Variants in NIPBL observed in about 807,000 individuals in gnomAD.
The protein encoded by NIPBL is nipped-B-like protein.
NIPBL carries 19 observed loss-of-function variants against 321.8 expected under a neutral mutation model. The ratio of observed to expected loss-of-function variants is 0.06; its 90% CI spans 0.04 to 0.09. The LOEUF (loss-of-function observed/expected upper bound fraction) is 0.09, where lower values mean the gene tolerates loss of function less well. NIPBL is among the 10% of genes least tolerant of loss of function. NIPBL has a pLI of 1.00. For missense variants in NIPBL, 2,210 were observed against 3,327.0 expected (o/e 0.66, Z 8.26); for synonymous variants, 1,106 against 1,114.1 (o/e 0.99, Z 0.14).
At chr5:36,885,793 G>A (rs1417818951) in intron 1 of NIPBL, 4 of 631,590 alleles carry the variant, frequency 6.3e-6, no homozygotes, top group East Asian at 6.3e-5. Context: ...TCACTTGGCT[G>A]TAGCTAGAGA....
chr5:37,017,943 AT>A (rs947548635), intron 24 of NIPBL, among the ~76,000 whole-genome samples: 13 of 151,342 alleles, frequency 8.6e-5, no homozygotes, highest in African/African-American at 2.7e-4. Context: ...CTGTATATGC[AT>A]TTTTTTTTAA....
In NIPBL at chr5:36,911,443, G is replaced by A. The variant is rs367986121; in HGVS notation, c.-80+34265G>A. ...AGGCTGAAAACTGCCACTTCCTGTA[G>A]GAAATATTCCCTGCTTTCCTTCTGG... On this transcript the variant is annotated intron_variant, in intron 1 of 46. Coordinates refer to ENST00000282516, the MANE Select transcript of NIPBL (RefSeq NM_133433.4). Among the ~76,000 whole-genome samples the A allele has an allele frequency of 2.0e-4, 31 of 152,236 alleles. 1 individual carries two copies. In the South Asian group the frequency reaches 4.8e-3, roughly 23 times the overall value.
In NIPBL at chr5:36,970,921, A is replaced by G. The variant is rs2149619986; in HGVS notation, c.656A>G (p.His219Arg). 2 of 1,613,632 alleles carry G rather than the reference A, an allele frequency of 1.2e-6. No homozygotes were observed. Among genetic ancestry groups the G allele is most frequent in the African/African-American group, 1.3e-5 (1 of 75,030 alleles). Reference protein sequence around the residue: ...PIVAGGLRNIHDNKVSGPLSG... With the variant: ...PIVAGGLRNIRDNKVSGPLSG... ...GTTGCAGGTGGTTTGAGAAACATAC[A>G]TGATAATAAAGTTTCTGGTCCGTTG... Residue 219 changes from histidine to arginine, a missense_variant, in exon 7 of 47, where the codon CAT becomes CGT. Around this residue, in one of 14 missense-constraint regions of NIPBL, gnomAD observed 464 missense variants for 529.5 expected, o/e 0.88. Transcript: ENST00000282516.
chr5:36,926,953 A>G (rs1028712037), intron 1 of NIPBL, among the ~76,000 whole-genome samples: 2 of 152,226 alleles, frequency 1.3e-5, no homozygotes, highest in Non-Finnish European at 2.9e-5. Flanking sequence ...CAGAGCACCT[A>G]TAATGGGAGT....
At chr5:37,004,655 C>G (rs1480996802) in intron 16 of NIPBL, among the ~76,000 whole-genome samples, 3 of 152,116 alleles carry the variant, frequency 2.0e-5, no homozygotes, top group Non-Finnish European at 1.5e-5. Context: ...AATCCTCCTG[C>G]CTTGTCCTCC....
intron 8 of NIPBL, among the ~76,000 whole-genome samples, chr5:36,973,150 T>A (rs1345455542): frequency 6.6e-6 from 1 of 152,164 alleles, no homozygotes; most frequent in Non-Finnish European, 1.5e-5. Flanking sequence ...TTCTACTTTT[T>A]AAAATTAGCT....
At chr5:36,950,048 ATTTAGT>A (rs1740098892) in intron 1 of NIPBL, among the ~76,000 whole-genome samples, 1 of 151,908 alleles carries the variant, frequency 6.6e-6, no homozygotes, top group African/African-American at 2.4e-5. Context: ...ATTTTGTTCG[ATTTAGT>A]TCTTAGTATT....
Position 37,006,345 on chromosome 5 carries a change from A to C in NIPBL, c.3856-12A>C, listed in dbSNP as rs199847583. ...TGTTTATTTCCATTTCATTAACAAT[A>C]CTGTTTTACAGAATAACGATACTGA... On this transcript the variant is annotated splice_polypyrimidine_tract_variant and intron_variant, in intron 16 of 46. Transcript: ENST00000282516. 2 of 1,332,544 alleles carry C rather than the reference A, an allele frequency of 1.5e-6. No homozygotes were observed. The highest frequency in any genetic ancestry group is 2.3e-5 in the East Asian group (1 of 43,466). The allele number at this position is 1,332,544 out of a possible 1,614,324, so 82.5% of individuals were successfully genotyped here. A position where few individuals can be genotyped will look rare whatever the true frequency, so the allele number is the denominator to read the frequency against.
In NIPBL at chr5:37,014,760, T is replaced by A. The variant is rs1318010253; in HGVS notation, c.4638T>A (p.Leu1546=). 5.1e-6 allele frequency: 8 copies of A among 1,574,852 alleles called. No individual in the cohort carries two copies. The highest frequency in any genetic ancestry group is 7.0e-6 in the Non-Finnish European group (8 of 1,144,464). ...RTAQNFLSIF[L]KKCGSKQGEE... The stretch of plus-strand genomic sequence containing the variant: ...CCCAAAACTTCCTCTCCATCTTCCT[T>A]AAAAAGTGAGTAAAATTAATATAAA... The change falls in exon 22 of 47, where the codon CTT becomes CTA. Residue 1546 remains leucine, a synonymous_variant. Transcript: ENST00000282516.
chr5:37,054,372 G>A (rs1238286706), intron 42 of NIPBL, among the ~76,000 whole-genome samples: 1 of 152,080 alleles, frequency 6.6e-6, no homozygotes, highest in African/African-American at 2.4e-5. Context: ...TCAGTATTAA[G>A]TTTGCATTGT....
chr5:37,010,311 C>A, intron 21 of NIPBL, 86 bp downstream of exon 21: 1 of 1,126,962 alleles, frequency 8.9e-7, no homozygotes, highest in South Asian at 1.3e-5. Context: ...AACTGAAGTT[C>A]TTTTTTTTTC....
intron 12 of NIPBL, 89 bp from the exon 13 acceptor site, chr5:37,000,724 GTCTT>G: frequency 7.6e-7 from 1 of 1,318,720 alleles, no homozygotes; most frequent in Non-Finnish European, 1.1e-6. Context: ...TATCGTTTAA[GTCTT>G]TAACGTTCAG....
intron 18 of NIPBL, 92 bp downstream of exon 18, chr5:37,007,566 T>G (rs1747588152): frequency 1.2e-6 from 1 of 851,436 alleles, no homozygotes. Flanking sequence ...ACCAGCACTA[T>G]ATTATCAAGA....
At chr5:37,019,696 G>A (rs1749405688) in intron 25 of NIPBL, among the ~76,000 whole-genome samples, 1 of 152,152 alleles carries the variant, frequency 6.6e-6, no homozygotes, top group African/African-American at 2.4e-5. Flanking sequence ...CTCAGAGTGA[G>A]TATGGGCCGA....
At position 36,955,494 on chromosome 5, in the gene NIPBL, A is replaced by G. The variant is rs587784061; in HGVS notation, c.87A>G (p.Pro29=). The part of the protein sequence containing the change: ...LTDLLNQLPL[P]SPLPATTTKS... ...TAGTCCTGAACCAGCTGCCTCTTCC[A>G]TCTCCTTTACCTGCTACAACTACAA... Residue 29 remains proline (P), a synonymous_variant, in exon 3 of 47, where the codon CCA becomes CCG. Transcript: ENST00000282516. 5.6e-6 allele frequency: 9 copies of G among 1,613,956 alleles called. No individual in the cohort carries two copies. Among genetic ancestry groups the G allele is most frequent in the Non-Finnish European group, 7.6e-6 (9 of 1,179,844 alleles).
chr5:37,011,899 G>A (rs1416164438), intron 21 of NIPBL, among the ~76,000 whole-genome samples: 1 of 151,954 alleles, frequency 6.6e-6, no homozygotes, highest in Non-Finnish European at 1.5e-5. Context: ...GATACACTTA[G>A]AAGTAAAATT....
At position 36,985,491 on chromosome 5, in the gene NIPBL, C is replaced by G. The variant is rs1744664488; in HGVS notation, c.2311C>G (p.Pro771Ala). 6.2e-7 allele frequency: 1 copy of G among 1,613,548 alleles called. No individual in the cohort carries two copies. The highest frequency in any genetic ancestry group is 1.1e-5 in the South Asian group (1 of 91,078). The stretch of plus-strand genomic sequence containing the variant: ...TGACAATAGGAGGGATTCTGGAAAG[C>G]CATCTACAGAGAAAAAACCTGAAGT... ...RHDNRRDSGKPSTEKKPEVSK... is the reference protein window; with the variant it reads ...RHDNRRDSGKASTEKKPEVSK... Residue 771 changes from proline to alanine, a missense_variant, in exon 10 of 47, where the codon CCA (proline) becomes GCA (alanine). Pro to Ala is a conservative substitution (Grantham distance 27). Coordinates refer to ENST00000282516, the MANE Select transcript of NIPBL (RefSeq NM_133433.4).
At chr5:37,057,430 G>C (rs773445745) in intron 43 of NIPBL, 98 bp downstream of exon 43, 9 of 1,211,760 alleles carry the variant, frequency 7.4e-6, no homozygotes, top group Non-Finnish European at 1.1e-5. Context: ...TCCTCTTCAC[G>C]AGTATATAAA....
At chr5:37,016,981 T>C (rs1483201910) in intron 23 of NIPBL, 38 bp from the exon 24 acceptor site, 1 of 1,338,638 alleles carries the variant, frequency 7.5e-7, no homozygotes, top group Admixed American at 1.9e-5. Flanking sequence ...AATATATTGT[T>C]ATAAATCTAT....
Sources: gnomAD v4.1 joint callset for allele counts (sites outside exome capture counted in the v4.1 genomes callset) on GRCh38, gnomAD v4.1.1 for gene constraint, gnomAD v4.1.1 regional missense constraint, MANE v1.5 for transcripts, NCBI Gene and HGNC (gene_info 2026-07-23, HGNC 2026-07-21) for gene names.